The following LRP4 variants were observed in gnomAD, a reference collection of about 807,000 sequenced individuals.
The protein encoded by LRP4 is low-density lipoprotein receptor-related protein 4.
A neutral mutation model predicts 220.3 loss-of-function variants in LRP4; 95 were observed. The observed-to-expected ratio is 0.43, with a 90% CI of 0.37 to 0.51. LRP4 has a LOEUF of 0.51. LRP4 is among the 20% of genes least tolerant of loss of function. The pLI, the probability that LRP4 is intolerant of heterozygous loss-of-function variation, is 0.00. For missense variants in LRP4, 1,925 were observed against 2,567.0 expected (o/e 0.75, Z 5.40); for synonymous variants, 903 against 954.6 (o/e 0.95, Z 1.00).
chr11:46,859,288 C>T lies in LRP4; in HGVS notation c.5413G>A (p.Glu1805Lys). ...EGGPDHNYTK[E>K]KIKIVEGICL... Reference sequence around the variant, plus strand: ...ATTCCCTCTACGATCTTGATCTTCTCCTTGGTGTAGTTATGGTCAGGCCCT... The same window carrying T: ...ATTCCCTCTACGATCTTGATCTTCTTCTTGGTGTAGTTATGGTCAGGCCCT... Residue 1805 changes from glutamate to lysine, a missense_variant, in exon 38 of 38, where the codon GAG becomes AAG. This residue lies in a region of LRP4 where 1,244 missense variants were observed against 1,624.9 expected (regional missense o/e 0.77). Coordinates refer to ENST00000378623, the MANE Select transcript of LRP4 (RefSeq NM_002334.4). 4 of 1,614,070 alleles carry T rather than the reference C, an allele frequency of 2.5e-6. No homozygotes were observed. The highest frequency in any genetic ancestry group is 3.4e-6 in the Non-Finnish European group (4 of 1,180,010).
At chr11:46,889,270 C>T in intron 16 of LRP4, 141 bp downstream of exon 16, 1 of 1,150,306 alleles carries the variant, frequency 8.7e-7, no homozygotes. Context: ...ATCCCTCAGC[C>T]TCTTAAGTTC....
At position 46,862,612 on chromosome 11, in the gene LRP4, C is replaced by T; in HGVS notation, c.5379G>A (p.Lys1793=). Residue 1793 remains lysine (K), a synonymous_variant, in exon 37 of 38, where the codon AAG becomes AAA. Transcript: ENST00000378623. ...TATAAATTTCAATTTTTACCTCTTT[C>T]TTATAGCACAGCTGGTTGTACATGG... ...KPAMYNQLCY[K]KEGGPDHNYT... is the part of the protein sequence containing the mutation. 6.2e-7 allele frequency: 1 copy of T among 1,614,136 alleles called. No homozygotes were observed. The highest frequency in any genetic ancestry group is 8.5e-7 in the Non-Finnish European group (1 of 1,180,022).
rs4752946 is a variant in LRP4, at chr11:46,875,357, G to C, written c.3925+99C>G. On this transcript the variant is annotated intron_variant, in intron 27 of 37. Coordinates refer to ENST00000378623, the MANE Select transcript of LRP4 (RefSeq NM_002334.4). The surrounding 1 kb of genome is among the most constrained non-coding windows in gnomAD (Gnocchi z 4.5). ...GCTTAAACAGGTCACCGTCTTTCTGGCTGTAAAGGAGCTCTGTGCTCTGGA... is the reference window on the plus strand; with the variant it reads ...GCTTAAACAGGTCACCGTCTTTCTGCCTGTAAAGGAGCTCTGTGCTCTGGA... The C allele has an allele frequency of 0.18, 199,136 of 1,132,156 alleles. 23,847 individuals carry two copies. Among genetic ancestry groups the C allele is most frequent in the East Asian group, 0.62 (24,960 of 40,450 alleles). 70.1% of individuals were successfully genotyped at this position (1,132,156 alleles called of 1,614,324 possible). A position where few individuals can be genotyped will look rare whatever the true frequency, so the allele number is the denominator to read the frequency against.
intron 25 of LRP4, among the ~76,000 whole-genome samples, 172 bp from the exon 26 acceptor site, chr11:46,876,138 T>C (rs1046541531): frequency 3.3e-5 from 5 of 152,162 alleles, no homozygotes; most frequent in Non-Finnish European, 5.9e-5. Flanking sequence ...TCAACCTTCA[T>C]AAGGGCCACA....
At chr11:46,863,354 T>C (rs550179767) in intron 36 of LRP4, among the ~76,000 whole-genome samples, 81 of 152,280 alleles carry the variant, frequency 5.3e-4, no homozygotes, top group African/African-American at 1.8e-3. Context: ...TATGCAGCAA[T>C]GGAGAACTGA....
At position 46,873,104 on chromosome 11, in the gene LRP4, G is replaced by A. The variant is rs756059712; in HGVS notation, c.4579C>T (p.Arg1527Cys). ...TGTTTGATGCAAGACTCCCACCTGC[G>A]GGTATCATAGTCCAGGGTAAGGCCA... ...PNGLTLDYDT[R>C]RIYWVDAHLD... Residue 1527 changes from arginine (R) to cysteine (C), a missense_variant, in exon 30 of 38, where the codon CGC (arginine) becomes TGC (cysteine). By Grantham distance (180) the Arg-to-Cys change is radical. Around this residue, in one of 3 missense-constraint regions of LRP4, gnomAD observed 1,244 missense variants for 1,624.9 expected, o/e 0.77. Transcript: ENST00000378623. This position sits in a 1 kb window ranked among gnomAD's most constrained non-coding sequence, Gnocchi z 4.2. 4.3e-6 allele frequency: 7 copies of A among 1,614,140 alleles called. No individual in the cohort carries two copies. Among genetic ancestry groups the A allele is most frequent in the South Asian group, 1.1e-5 (1 of 91,078 alleles).
At position 46,858,516 on chromosome 11, in the gene LRP4, C is replaced by T. The variant is rs1417948584; in HGVS notation, c.*467G>A. The T allele has an allele frequency of 8.4e-6, 2 of 237,496 alleles. No homozygotes were observed. The highest frequency in any genetic ancestry group is 1.7e-5 in the Non-Finnish European group (2 of 118,196). 14.7% of individuals were successfully genotyped at this position (237,496 alleles called of 1,614,324 possible). ...TCTTCCTTCTTCTCTCAGCCTCTAT[C>T]CTTCATCCCTGTCTTTACCCACACC... On this transcript the variant is annotated 3_prime_UTR_variant, in exon 38 of 38. Coordinates refer to ENST00000378623, the MANE Select transcript of LRP4 (RefSeq NM_002334.4).
In LRP4 at chr11:46,873,503, C is replaced by T. The variant is rs765284084; in HGVS notation, c.4320G>A (p.Arg1440=). ...TDGLAVDWVA[R]NLYWTDTGRN... is the part of the protein sequence containing the mutation. ...GACCTGTGTCTGTCCAGTACAGGTT[C>T]CTGGCCACCCAGTCCACTGCCAGCC... is the stretch of plus-strand genomic sequence containing the variant. The change falls in exon 29 of 38, where the codon AGG becomes AGA. Residue 1440 remains arginine (R), a synonymous_variant. Coordinates refer to ENST00000378623, the MANE Select transcript of LRP4 (RefSeq NM_002334.4). This position sits in a 1 kb window ranked among gnomAD's most constrained non-coding sequence, Gnocchi z 4.2. 3 of 1,614,216 alleles carry T rather than the reference C, an allele frequency of 1.9e-6. No homozygotes were observed. The highest frequency in any genetic ancestry group is 2.5e-6 in the Non-Finnish European group (3 of 1,180,040).
rs1486508644 is a variant in LRP4, at chr11:46,881,758, C to T, written c.2758G>A (p.Ala920Thr). ...TCAATTGTCTTCATGCCGGCGTCAG[C>T]CCAGTATAGACGCTGGGACCCATAA... ...IDYGSQRLYW[A>T]DAGMKTIEFA... is the part of the protein sequence containing the mutation. Residue 920 changes from alanine to threonine, a missense_variant, in exon 20 of 38, where the codon GCT (alanine) becomes ACT (threonine). Physicochemically the swap from Ala to Thr is moderately conservative, Grantham distance 58. Coordinates refer to ENST00000378623, the MANE Select transcript of LRP4 (RefSeq NM_002334.4). The T allele has an allele frequency of 6.2e-7, 1 of 1,614,178 alleles. No homozygotes were observed. Among genetic ancestry groups the T allele is most frequent in the Admixed American group, 1.7e-5 (1 of 60,026 alleles).
At chr11:46,877,047 TGCTAGAGAGACAGG>T (rs1320232141) in intron 23 of LRP4, 138 bp downstream of exon 23, 1 of 970,726 alleles carries the variant, frequency 1.0e-6, no homozygotes, top group Non-Finnish European at 1.6e-6. Context: ...AAAGAGAGAG[TGCTAGAGAGACAGG>T]GACAGGGGCT....
intron 10 of LRP4, 142 bp from the exon 11 acceptor site, chr11:46,895,433 C>T (rs1235922693): frequency 9.3e-6 from 11 of 1,186,342 alleles, no homozygotes; most frequent in East Asian, 2.4e-5. Flanking sequence ...TGGTTAAGGG[C>T]GGCCGGGCGT....
rs1208354844 is a variant in LRP4, at chr11:46,873,427, T to A, written c.4396A>T (p.Ile1466Phe). 4.3e-6 allele frequency: 7 copies of A among 1,614,180 alleles called. No individual in the cohort carries two copies. Among genetic ancestry groups the A allele is most frequent in the Non-Finnish European group, 5.9e-6 (7 of 1,180,040 alleles). The change falls in exon 29 of 38, where the codon ATC (isoleucine) becomes TTC (phenylalanine). Residue 1466 changes from isoleucine to phenylalanine, a missense_variant. By Grantham distance (21) the Ile-to-Phe change is conservative. Coordinates refer to ENST00000378623, the MANE Select transcript of LRP4 (RefSeq NM_002334.4). The surrounding 1 kb of genome is among the most constrained non-coding windows in gnomAD (Gnocchi z 4.2). ...RLDGSCRKVL[I>F]NNSLDEPRAI... Reference sequence around the variant, plus strand: ...CGGGGCTCATCCAGGCTATTGTTGATCAGTACTTTGCGGCAGGAACCATCC... The same window carrying A: ...CGGGGCTCATCCAGGCTATTGTTGAACAGTACTTTGCGGCAGGAACCATCC...
intron 1 of LRP4, among the ~76,000 whole-genome samples, chr11:46,911,022 A>C (rs535274369): frequency 1.3e-5 from 2 of 152,198 alleles, no homozygotes; most frequent in Non-Finnish European, 1.5e-5. Context: ...AGCCAAGGAC[A>C]GGAGAGAGAA....
In LRP4 at chr11:46,889,459, C is replaced by T. The variant is rs772133622; in HGVS notation, c.2167G>A (p.Ala723Thr). The stretch of plus-strand genomic sequence containing the variant: ...ATCTTGCGGAAGCCAGTGGGGCAGG[C>T]ACAGGTGTAGTTCTGGCCACTGGGC... The part of the protein sequence containing the change: ...CLPSGQNYTC[A>T]CPTGFRKISS... The change falls in exon 16 of 38, where the codon GCC becomes ACC. Residue 723 changes from alanine (A) to threonine (T), a missense_variant. By Grantham distance (58) the Ala-to-Thr change is moderately conservative. This residue lies in a region of LRP4 where 1,244 missense variants were observed against 1,624.9 expected (regional missense o/e 0.77). Coordinates refer to ENST00000378623, the MANE Select transcript of LRP4 (RefSeq NM_002334.4). 6.2e-7 allele frequency: 1 copy of T among 1,614,118 alleles called. No homozygotes were observed. The highest frequency in any genetic ancestry group is 8.5e-7 in the Non-Finnish European group (1 of 1,180,036).
chr11:46,907,652 C>CCTGA (rs1461491102), intron 1 of LRP4, among the ~76,000 whole-genome samples: 1 of 152,058 alleles, frequency 6.6e-6, no homozygotes, highest in African/African-American at 2.4e-5. Flanking sequence ...TCTGGACAGC[C>CCTGA]CTGATATAAA....
chr11:46,902,130 G>T (rs1431364002), intron 2 of LRP4, among the ~76,000 whole-genome samples: 8 of 151,786 alleles, frequency 5.3e-5, no homozygotes, highest in Admixed American at 5.2e-4. Flanking sequence ...GGCTGAGGTG[G>T]CTGGATCACT....
intron 15 of LRP4, 107 bp downstream of exon 15, chr11:46,889,837 C>A: frequency 7.8e-7 from 1 of 1,287,008 alleles, no homozygotes; most frequent in South Asian, 1.2e-5. Flanking sequence ...GCTGGATTTC[C>A]CCATCAGAAG....
In LRP4 at chr11:46,890,640, C is replaced by T. The variant is rs1029118314; in HGVS notation, c.1698-146G>A. 3.0e-6 allele frequency: 2 copies of T among 657,276 alleles called. No homozygotes were observed. Among genetic ancestry groups the T allele is most frequent in the African/African-American group, 3.6e-5 (2 of 55,590 alleles). 40.7% of individuals were successfully genotyped at this position (657,276 alleles called of 1,614,324 possible). The stretch of plus-strand genomic sequence containing the variant: ...AATGAATTTTTTTTTTAGACGGGGT[C>T]TCATTTTGTCACCCAGGCTGGAGGG... On this transcript the variant is annotated intron_variant, in intron 13 of 37. Coordinates refer to ENST00000378623, the MANE Select transcript of LRP4 (RefSeq NM_002334.4). This position sits in a 1 kb window ranked among gnomAD's most constrained non-coding sequence, Gnocchi z 5.3.
rs756790038 is a variant in LRP4, at chr11:46,875,074, C to T, written c.3955G>A (p.Gly1319Ser). 25 of 1,613,518 alleles carry T rather than the reference C, an allele frequency of 1.5e-5. No homozygotes were observed. The highest frequency in any genetic ancestry group is 2.2e-5 in the South Asian group (2 of 91,062). The change falls in exon 28 of 38, where the codon GGC becomes AGC. Residue 1319 changes from glycine to serine, a missense_variant. Gly to Ser is a moderately conservative substitution (Grantham distance 56, BLOSUM62 0). This residue lies in a region of LRP4 where 1,244 missense variants were observed against 1,624.9 expected (regional missense o/e 0.77). Coordinates refer to ENST00000378623, the MANE Select transcript of LRP4 (RefSeq NM_002334.4). This position sits in a 1 kb window ranked among gnomAD's most constrained non-coding sequence, Gnocchi z 4.5. ...CGAGGCAAGCAGAGGTGGGAGCAGC[C>T]GCCATTTCTCGAGCCGCACTTGTTA... ...GFNKCGSRNGGCSHLCLPRPS... is the reference protein window; with the variant it reads ...GFNKCGSRNGSCSHLCLPRPS...
Sources: gnomAD v4.1 joint callset for allele counts (sites outside exome capture counted in the v4.1 genomes callset) on GRCh38, gnomAD v4.1.1 for gene constraint, gnomAD v4.1.1 regional missense constraint, Gnocchi (gnomAD v3.1) non-coding constraint, MANE v1.5 for transcripts, NCBI Gene and HGNC (gene_info 2026-07-23, HGNC 2026-07-21) for gene names.